SLIT2: variants seen among roughly 807,000 people sequenced by gnomAD.
SLIT2 encodes the protein slit homolog 2 protein.
SLIT2 carries 41 observed loss-of-function variants against 185.7 expected under a neutral mutation model. The ratio of observed to expected loss-of-function variants is 0.22; its 90% CI spans 0.17 to 0.29. The LOEUF (loss-of-function observed/expected upper bound fraction) is 0.29. SLIT2 is among the 10% of genes least tolerant of loss of function. SLIT2 has a pLI of 1.00. For missense variants in SLIT2, 1,571 were observed against 1,909.0 expected (o/e 0.82, Z 3.30); for synonymous variants, 693 against 680.2 (o/e 1.02, Z -0.29).
chr4:20,449,525 CA>C (rs1712228697), intron 4 of SLIT2, among the ~76,000 whole-genome samples: 1 of 152,074 alleles, frequency 6.6e-6, no homozygotes, highest in South Asian at 2.1e-4. Flanking sequence ...TCTCCTGCCT[CA>C]GCCTCCTGAG....
chr4:20,397,975 A>G lies in SLIT2; in HGVS notation c.396-69777A>G, dbSNP rs184548157. Among the ~76,000 whole-genome samples the G allele has an allele frequency of 5.1e-3, 780 of 151,950 alleles. 17 individuals are homozygous for G. The highest frequency in any genetic ancestry group is 0.02 in the Middle Eastern group (6 of 294). On this transcript the variant is annotated intron_variant, in intron 4 of 36. Coordinates refer to ENST00000504154, the MANE Select transcript of SLIT2 (RefSeq NM_004787.4). ...CATTTACTCATTTCAGTCTCCAGGAAAAAGTACAGACGAGTGAGTAGAGAA... is the reference window on the plus strand; with the variant it reads ...CATTTACTCATTTCAGTCTCCAGGAGAAAGTACAGACGAGTGAGTAGAGAA...
intron 15 of SLIT2, among the ~76,000 whole-genome samples, chr4:20,525,552 A>C (rs1189901447): frequency 6.6e-6 from 1 of 152,148 alleles, no homozygotes; most frequent in Non-Finnish European, 1.5e-5. Flanking sequence ...AAAGACAGAG[A>C]TCTTTCTGAT....
At chr4:20,555,737 C>T (rs1463033231) in intron 26 of SLIT2, among the ~76,000 whole-genome samples, 4 of 152,022 alleles carry the variant, frequency 2.6e-5, no homozygotes, top group Non-Finnish European at 4.4e-5. Context: ...TAAATATTGA[C>T]ATTTTAAAAC....
At chr4:20,607,399 T>C (rs1343005041) in intron 33 of SLIT2, among the ~76,000 whole-genome samples, 4 of 152,200 alleles carry the variant, frequency 2.6e-5, no homozygotes, top group East Asian at 1.9e-4. Flanking sequence ...AAACAATTGA[T>C]ATATGTTATT....
intron 29 of SLIT2, among the ~76,000 whole-genome samples, chr4:20,571,319 G>T (rs1052679902): frequency 6.6e-6 from 1 of 152,116 alleles, no homozygotes; most frequent in Non-Finnish European, 1.5e-5. Context: ...AAAGTGCATG[G>T]CGTACAGAAC....
At chr4:20,469,405 C>G (rs562053489) in intron 5 of SLIT2, among the ~76,000 whole-genome samples, 67 of 152,046 alleles carry the variant, frequency 4.4e-4, no homozygotes, top group Non-Finnish European at 8.7e-4. Context: ...TTTAAGGATA[C>G]GCATGGAAAT....
At chr4:20,383,288 G>C (rs1724676431) in intron 4 of SLIT2, among the ~76,000 whole-genome samples, 1 of 152,066 alleles carries the variant, frequency 6.6e-6, no homozygotes, top group African/African-American at 2.4e-5. Context: ...CAAAATAAAA[G>C]CCACAGACTA....
At chr4:20,489,036 C>T (rs1577767345) in intron 8 of SLIT2, 54 bp downstream of exon 8, 1 of 1,468,380 alleles carries the variant, frequency 6.8e-7, no homozygotes, top group South Asian at 1.2e-5. Context: ...TGTTATGTAA[C>T]AGAATGTGAG....
At chr4:20,592,605 A>G (rs1164290441) in intron 30 of SLIT2, among the ~76,000 whole-genome samples, 9 of 152,176 alleles carry the variant, frequency 5.9e-5, no homozygotes, top group Non-Finnish European at 1.2e-4. Flanking sequence ...GACAGCCGCT[A>G]TGGTGGATGT....
At chr4:20,511,734 T>G (rs1719776528) in intron 11 of SLIT2, among the ~76,000 whole-genome samples, 1 of 151,706 alleles carries the variant, frequency 6.6e-6, no homozygotes, top group East Asian at 1.9e-4. Context: ...GGCCCATTTT[T>G]TTATTTCTAA....
intron 4 of SLIT2, among the ~76,000 whole-genome samples, chr4:20,291,484 ATATATATATTTTTTTTTTT>A (rs1715888342): frequency 3.8e-4 from 4 of 10,508 alleles, no homozygotes; most frequent in African/African-American, 1.5e-3. Context: ...ATATATATAT[ATATATATATTTTTTTTTTT>A]TTTTTTTTTT....
chr4:20,608,564 A>G (rs1002080404), intron 33 of SLIT2, among the ~76,000 whole-genome samples: 2 of 152,186 alleles, frequency 1.3e-5, no homozygotes, highest in Non-Finnish European at 2.9e-5. Flanking sequence ...GTTTCCTGAG[A>G]CAGGCTATCA....
rs144134971 is a variant in SLIT2, at chr4:20,468,552, T to C, written c.467+729T>C. 4.1e-3 allele frequency among the ~76,000 whole-genome samples: 629 copies of C among 152,268 alleles called. 4 individuals carry two copies. The highest frequency in any genetic ancestry group is 0.014 in the African/African-American group (593 of 41,578). On this transcript the variant is annotated intron_variant, in intron 5 of 36. Coordinates refer to ENST00000504154, the MANE Select transcript of SLIT2 (RefSeq NM_004787.4). ...ATTATAAGCATTTTTTAAGTGCCTT[T>C]ATTTCTAAGGATGCATATCAGATTT...
intron 4 of SLIT2, among the ~76,000 whole-genome samples, chr4:20,356,253 A>G (rs1577491568): frequency 6.6e-6 from 1 of 152,192 alleles, no homozygotes; most frequent in Non-Finnish European, 1.5e-5. Flanking sequence ...AGGTGATTCT[A>G]TGAAAGGCTG....
chr4:20,390,665 A>C (rs887852365), intron 4 of SLIT2, among the ~76,000 whole-genome samples: 11 of 152,152 alleles, frequency 7.2e-5, no homozygotes, highest in African/African-American at 2.4e-4. Flanking sequence ...TTTAGGATTA[A>C]AATTTATTAA....
chr4:20,367,799 G>A (rs946108785), intron 4 of SLIT2, among the ~76,000 whole-genome samples: 1 of 152,018 alleles, frequency 6.6e-6, no homozygotes. Flanking sequence ...CTTTTTCACT[G>A]CTGCACCTCC....
intron 6 of SLIT2, among the ~76,000 whole-genome samples, chr4:20,483,575 A>G (rs781720574): frequency 1.3e-5 from 2 of 152,056 alleles, no homozygotes; most frequent in Admixed American, 6.6e-5. Flanking sequence ...AATGAACATA[A>G]TTTAGTGTAA....
chr4:20,546,234 C>T (rs777079970), intron 22 of SLIT2, 135 bp downstream of exon 22: 5 of 513,422 alleles, frequency 9.7e-6, no homozygotes, highest in African/African-American at 2.0e-5. Flanking sequence ...TTGCTCATTG[C>T]GGTTCTGGAC....
At chr4:20,514,367 GTGGTGGCTCATGCC>G (rs1201150795) in intron 11 of SLIT2, among the ~76,000 whole-genome samples, 6 of 152,120 alleles carry the variant, frequency 3.9e-5, no homozygotes, top group African/African-American at 1.4e-4. Context: ...TCAGCCAGGC[GTGGTGGCTCATGCC>G]TGTAATTCCA....
Sources: gnomAD v4.1 joint callset for allele counts (sites outside exome capture counted in the v4.1 genomes callset) on GRCh38, gnomAD v4.1.1 for gene constraint, MANE v1.5 for transcripts, NCBI Gene and HGNC (gene_info 2026-07-23, HGNC 2026-07-21) for gene names.